Variants in CAPZB observed in about 807,000 individuals in gnomAD.
The protein encoded by CAPZB is capping actin protein of muscle Z-line subunit beta, also known as F-actin-capping protein subunit beta.
A neutral mutation model predicts 38.1 loss-of-function variants in CAPZB; 2 were observed. The ratio of observed to expected loss-of-function variants is 0.05; its 90% CI spans 0.02 to 0.17. CAPZB has a LOEUF of 0.17. Ranked by LOEUF, CAPZB falls within the 10% of genes least tolerant of loss-of-function variation. The pLI, the probability that CAPZB is intolerant of heterozygous loss-of-function variation, is 1.00. For synonymous variants in CAPZB, 107 were observed against 127.4 expected (o/e 0.84, Z 1.08); for missense variants, 161 against 334.2 (o/e 0.48, Z 4.04).
intron 1 of CAPZB, among the ~76,000 whole-genome samples, chr1:19,420,340 G>T (rs2094396492): frequency 6.6e-6 from 1 of 151,298 alleles, no homozygotes. Flanking sequence ...GACTGCAAAT[G>T]CAGTAAACTA....
At chr1:19,369,661 G>A (rs1051006920) in intron 4 of CAPZB, among the ~76,000 whole-genome samples, 5 of 152,216 alleles carry the variant, frequency 3.3e-5, no homozygotes, top group African/African-American at 9.6e-5. Flanking sequence ...AGCGGTGCCC[G>A]TCACGGGATC....
intron 8 of CAPZB, among the ~76,000 whole-genome samples, chr1:19,343,205 A>G (rs1185989341): frequency 6.6e-6 from 1 of 152,220 alleles, no homozygotes; most frequent in Admixed American, 6.5e-5. Context: ...GCCAGGGACC[A>G]CTGGGCTCTA....
intron 1 of CAPZB, among the ~76,000 whole-genome samples, chr1:19,454,213 C>T (rs542431551): frequency 6.6e-6 from 1 of 152,316 alleles, no homozygotes; most frequent in Non-Finnish European, 1.5e-5. Context: ...CAAGACTGGC[C>T]ATGAGTAGCG....
At chr1:19,341,458 T>C (rs571571535) in intron 8 of CAPZB, among the ~76,000 whole-genome samples, 1 of 152,218 alleles carries the variant, frequency 6.6e-6, no homozygotes, top group East Asian at 1.9e-4. Flanking sequence ...GTTCCAGAGC[T>C]AGAATCATGT....
intron 1 of CAPZB, among the ~76,000 whole-genome samples, chr1:19,426,914 G>A (rs752281947): frequency 8.5e-5 from 13 of 152,228 alleles, no homozygotes; most frequent in South Asian, 8.3e-4. Context: ...GACCAGAGAC[G>A]AAACTGGGGA....
chr1:19,341,036 C>CT, intron 8 of CAPZB, among the ~76,000 whole-genome samples: 1 of 152,290 alleles, frequency 6.6e-6, no homozygotes, highest in Admixed American at 6.5e-5. Flanking sequence ...AGCACCCAGA[C>CT]TGAGTTCTGG....
intron 1 of CAPZB, among the ~76,000 whole-genome samples, chr1:19,473,684 C>T (rs1479700281): frequency 3.3e-5 from 5 of 152,004 alleles, no homozygotes; most frequent in Non-Finnish European, 7.4e-5. Flanking sequence ...CCCAACATGG[C>T]AAAACCCCAT....
intron 2 of CAPZB, among the ~76,000 whole-genome samples, chr1:19,387,112 C>A (rs927437769): frequency 1.3e-5 from 2 of 151,406 alleles, no homozygotes; most frequent in South Asian, 2.1e-4. Context: ...AAAGCTCACA[C>A]GCATTCTGCA....
At chr1:19,473,726 T>G (rs950014743) in intron 1 of CAPZB, among the ~76,000 whole-genome samples, 1 of 152,132 alleles carries the variant, frequency 6.6e-6, no homozygotes, top group Admixed American at 6.5e-5. Flanking sequence ...CAGCCGGGCA[T>G]AGTGGCACGT....
chr1:19,480,938 C>T (rs2094626210), intron 1 of CAPZB, among the ~76,000 whole-genome samples: 1 of 152,196 alleles, frequency 6.6e-6, no homozygotes, highest in Admixed American at 6.5e-5. Flanking sequence ...ACCATACACC[C>T]CTTTGCACAC....
intron 1 of CAPZB, among the ~76,000 whole-genome samples, chr1:19,475,298 A>C (rs2094603025): frequency 6.6e-6 from 1 of 152,212 alleles, no homozygotes; most frequent in Non-Finnish European, 1.5e-5. Flanking sequence ...TTGGACCTGA[A>C]GCCAGGCTCT....
intron 1 of CAPZB, among the ~76,000 whole-genome samples, chr1:19,435,846 T>C (rs948460820): frequency 6.6e-6 from 1 of 152,202 alleles, no homozygotes; most frequent in Non-Finnish European, 1.5e-5. Context: ...CTGCCATCTC[T>C]TTGTTTTAAA....
At chr1:19,366,283 AATATATAT>A (rs201882034) in intron 4 of CAPZB, among the ~76,000 whole-genome samples, 10 of 60,502 alleles carry the variant, frequency 1.7e-4, no homozygotes, top group South Asian at 6.0e-4. Context: ...CGTGTCTTAA[AATATATAT>A]ATATATATAT....
intron 4 of CAPZB, among the ~76,000 whole-genome samples, chr1:19,370,597 T>C (rs2094114776): frequency 6.6e-6 from 1 of 152,136 alleles, no homozygotes; most frequent in East Asian, 1.9e-4. Flanking sequence ...AAATTTCAGA[T>C]GCCCACAAGG....
intron 1 of CAPZB, among the ~76,000 whole-genome samples, chr1:19,443,464 T>C (rs2094485612): frequency 6.6e-6 from 1 of 152,144 alleles, no homozygotes; most frequent in South Asian, 2.1e-4. Flanking sequence ...AATATTAATA[T>C]AGCCACGGCA....
chr1:19,461,708 A>G (rs1202087118), intron 1 of CAPZB, among the ~76,000 whole-genome samples: 1 of 152,232 alleles, frequency 6.6e-6, no homozygotes, highest in Non-Finnish European at 1.5e-5. Context: ...GCCACTGCAT[A>G]AATACTTAAC....
intron 8 of CAPZB, chr1:19,342,697 G>C: frequency 9.1e-7 from 1 of 1,094,500 alleles, no homozygotes; most frequent in Non-Finnish European, 1.4e-6. Flanking sequence ...GGGTCTCGGC[G>C]GGTTGGTGAG....
At chr1:19,378,469 G>C (rs1331869161) in intron 4 of CAPZB, 71 bp downstream of exon 4, 13 of 871,164 alleles carry the variant, frequency 1.5e-5, no homozygotes, top group Admixed American at 1.7e-5. Context: ...ATTCCAGATA[G>C]AACACTGCCA....
intron 1 of CAPZB, among the ~76,000 whole-genome samples, chr1:19,429,491 C>T (rs1357606317): frequency 1.3e-5 from 2 of 152,104 alleles, no homozygotes; most frequent in South Asian, 2.1e-4. Flanking sequence ...AGCAAGTCAC[C>T]ACCTCATCCC....
Sources: allele counts gnomAD v4.1 joint callset (sites outside exome capture counted in the v4.1 genomes callset), GRCh38; gene constraint gnomAD v4.1.1; transcripts MANE v1.5; gene names NCBI Gene and HGNC (gene_info 2026-07-23, HGNC 2026-07-21).